The following ERAP1 variants were observed in gnomAD, a reference collection of about 807,000 sequenced individuals.
The protein encoded by ERAP1 is adipocyte-derived leucine aminopeptidase.
ERAP1 carries 86 observed loss-of-function variants against 103.7 expected under a neutral mutation model. That is an observed-to-expected ratio of 0.83 (90% CI 0.70 to 0.99). The LOEUF (loss-of-function observed/expected upper bound fraction) is 0.99. Ranked by LOEUF, ERAP1 falls within the 50% of genes least tolerant of loss-of-function variation. ERAP1 has a pLI of 0.00. For missense variants in ERAP1, 1,009 were observed against 1,128.4 expected (o/e 0.89, Z 1.52); for synonymous variants, 398 against 402.4 (o/e 0.99, Z 0.13).
chr5:96,796,209 C>T (rs1000560862), intron 4 of ERAP1, among the ~76,000 whole-genome samples: 1 of 152,284 alleles, frequency 6.6e-6, no homozygotes, highest in Non-Finnish European at 1.5e-5. Flanking sequence ...CTATTCAGGC[C>T]TCAGTGAAAA....
intron 13 of ERAP1, among the ~76,000 whole-genome samples, chr5:96,784,461 C>T (rs578145214): frequency 5.3e-5 from 8 of 150,786 alleles, no homozygotes; most frequent in East Asian, 3.9e-4. Flanking sequence ...CCAGCCTGGG[C>T]GACAGAGTGA....
chr5:96,929,173 A>G, the ERAP1 span, among the ~76,000 whole-genome samples: 3 of 152,268 alleles, frequency 2.0e-5, no homozygotes, highest in Admixed American at 2.0e-4. Context: ...TCTCAGGTAC[A>G]CTTGGCCCTC....
the ERAP1 span, chr5:96,892,590 A>G: frequency 1.1e-6 from 1 of 920,666 alleles, no homozygotes; most frequent in Non-Finnish European, 1.6e-6. Context: ...ACCTAACACA[A>G]CGTCAAGTAG....
the ERAP1 span, chr5:96,913,481 G>A: frequency 3.1e-6 from 5 of 1,612,740 alleles, no homozygotes; most frequent in Admixed American, 1.7e-5. Flanking sequence ...TTCATCCAAT[G>A]TTTGTTCTTC....
At chr5:96,795,980 T>C (rs1777303582) in intron 4 of ERAP1, among the ~76,000 whole-genome samples, 1 of 152,174 alleles carries the variant, frequency 6.6e-6, no homozygotes, top group African/African-American at 2.4e-5. Context: ...TTAATATAGA[T>C]TAGACATTAC....
chr5:96,818,893 CATTTATTTATTTATTTATTT>C, the ERAP1 span, among the ~76,000 whole-genome samples: 8 of 141,762 alleles, frequency 5.6e-5, no homozygotes, highest in East Asian at 2.2e-4. Flanking sequence ...ACCTGAACTG[CATTTATTTATTTATTTATTT>C]ATTTATTTAT....
At position 96,803,410 on chromosome 5, in the gene ERAP1, C is replaced by T; in HGVS notation, c.517G>A (p.Glu173Lys). The change falls in exon 2 of 19, where the codon GAA (glutamate) becomes AAA (lysine). Residue 173 changes from glutamate to lysine, a missense_variant. Coordinates refer to ENST00000443439, the MANE Select transcript of ERAP1 (RefSeq NM_001040458.3). ...AAAGAGAAAAAAAAATACCTCAGTT[C>T]CCCTTCCTTGGTTCTGTAGGTGCTT... is the stretch of plus-strand genomic sequence containing the variant. ...YKSTYRTKEG[E>K]LRILASTQFE... 2 of 1,613,150 alleles carry T rather than the reference C, an allele frequency of 1.2e-6. No individual in the cohort carries two copies. The highest frequency in any genetic ancestry group is 1.7e-6 in the Non-Finnish European group (2 of 1,179,766).
chr5:96,894,716 G>A, the ERAP1 span, among the ~76,000 whole-genome samples: 8 of 152,064 alleles, frequency 5.3e-5, no homozygotes, highest in Non-Finnish European at 8.8e-5. Context: ...GTCAGGGGCA[G>A]AGGTTAACAA....
At chr5:96,852,246 G>A in the ERAP1 span, among the ~76,000 whole-genome samples, 1 of 152,286 alleles carries the variant, frequency 6.6e-6, no homozygotes, top group Admixed American at 6.5e-5. Context: ...AAATGACATA[G>A]ATAAAATATT....
At chr5:96,920,527 C>T in the ERAP1 span, among the ~76,000 whole-genome samples, 2 of 152,176 alleles carry the variant, frequency 1.3e-5, no homozygotes, top group Non-Finnish European at 1.5e-5. Context: ...ATCCCACCCC[C>T]AGCCATAGGG....
chr5:96,841,289 C>G, the ERAP1 span, among the ~76,000 whole-genome samples: 5 of 152,188 alleles, frequency 3.3e-5, no homozygotes, highest in Non-Finnish European at 7.3e-5. Context: ...TTGGCGGTAT[C>G]TGTATATTAT....
chr5:96,798,240 G>C (rs1252194067), intron 3 of ERAP1, among the ~76,000 whole-genome samples: 2 of 147,058 alleles, frequency 1.4e-5, no homozygotes. Flanking sequence ...CAGGAGAATG[G>C]CATGAACCCG....
At chr5:96,857,172 T>C in the ERAP1 span, among the ~76,000 whole-genome samples, 1 of 152,228 alleles carries the variant, frequency 6.6e-6, no homozygotes, top group African/African-American at 2.4e-5. Context: ...CTTCTCATCT[T>C]TCAGGACTCA....
At chr5:96,883,392 C>T in the ERAP1 span, among the ~76,000 whole-genome samples, 1 of 152,204 alleles carries the variant, frequency 6.6e-6, no homozygotes, top group Admixed American at 6.5e-5. Context: ...AAATGTCTAT[C>T]TGAGGCCCTT....
the ERAP1 span, among the ~76,000 whole-genome samples, chr5:96,887,643 G>T: frequency 6.6e-6 from 1 of 152,072 alleles, no homozygotes; most frequent in Non-Finnish European, 1.5e-5. Flanking sequence ...AATGAAAGAA[G>T]ATCTTTATAA....
intron 2 of ERAP1, among the ~76,000 whole-genome samples, chr5:96,802,200 G>T (rs1156529951): frequency 6.6e-6 from 1 of 152,028 alleles, no homozygotes; most frequent in African/African-American, 2.4e-5. Flanking sequence ...AAGTGTTGTT[G>T]ATACTGAAAA....
chr5:96,808,626 T>G (rs1240851904), upstream of ERAP1, among the ~76,000 whole-genome samples: 1 of 152,208 alleles, frequency 6.6e-6, no homozygotes, highest in African/African-American at 2.4e-5. Context: ...CAAGGGCCAC[T>G]GTACCCCAAG....
the ERAP1 span, among the ~76,000 whole-genome samples, chr5:96,912,994 T>C: frequency 2.0e-5 from 3 of 152,324 alleles, no homozygotes; most frequent in East Asian, 3.9e-4. Flanking sequence ...TTATTAATCA[T>C]ATGATTGAGA....
At chr5:96,821,481 G>A in the ERAP1 span, among the ~76,000 whole-genome samples, 1 of 152,138 alleles carries the variant, frequency 6.6e-6, no homozygotes, top group Non-Finnish European at 1.5e-5. Context: ...GTAGGGGAAG[G>A]GCAGGCCTGG....
Sources: allele counts gnomAD v4.1 joint callset (sites outside exome capture counted in the v4.1 genomes callset), GRCh38; gene constraint gnomAD v4.1.1; transcripts MANE v1.5; gene names NCBI Gene and HGNC (gene_info 2026-07-23, HGNC 2026-07-21).